NHSL1: variants seen among roughly 807,000 people sequenced by gnomAD.
The protein encoded by NHSL1 is NHS like 1.
Under a neutral mutation model 95.0 loss-of-function variants are expected in NHSL1, and 48 were observed. That is an observed-to-expected ratio of 0.51 (90% CI 0.40 to 0.64). The LOEUF is 0.64. NHSL1 is among the 30% of genes least tolerant of loss of function. The pLI is 0.00. For synonymous variants in NHSL1, 783 were observed against 833.9 expected (o/e 0.94, Z 1.05); for missense variants, 1,971 against 2,077.7 (o/e 0.95, Z 1.00).
chr6:138,635,224 G>A (rs1055404991), intron 1 of NHSL1, among the ~76,000 whole-genome samples: 1 of 152,002 alleles, frequency 6.6e-6, no homozygotes, highest in Non-Finnish European at 1.5e-5. Context: ...ACAAAATGTT[G>A]TATTTTTGGA....
At chr6:138,642,972 C>G (rs1036408844) in intron 1 of NHSL1, among the ~76,000 whole-genome samples, 1 of 152,166 alleles carries the variant, frequency 6.6e-6, no homozygotes, top group Non-Finnish European at 1.5e-5. Flanking sequence ...TCATCAAACA[C>G]AAGTGGTTAT....
In NHSL1 at chr6:138,440,074, G is replaced by A. The variant is rs376943429; in HGVS notation, c.664+1909C>T. On this transcript the variant is annotated intron_variant, in intron 5 of 7. Coordinates refer to ENST00000343505, the MANE Select transcript of NHSL1 (RefSeq NM_001144060.2). ...GACAATGCATATGGAATACTTATGT[G>A]TATGTGCATCTTTACTTGGGCCACA... 1.1e-4 allele frequency among the ~76,000 whole-genome samples: 17 copies of A among 152,152 alleles called. 1 individual carries two copies. In the East Asian group the frequency reaches 2.9e-3, roughly 26 times the overall value.
intron 1 of NHSL1, among the ~76,000 whole-genome samples, chr6:138,686,144 G>C (rs1785582019): frequency 6.6e-6 from 1 of 151,946 alleles, no homozygotes; most frequent in African/African-American, 2.4e-5. Context: ...TTGCATACTT[G>C]TAAGTGTTCT....
chr6:138,647,882 A>G (rs1785040126), intron 1 of NHSL1, among the ~76,000 whole-genome samples: 1 of 152,200 alleles, frequency 6.6e-6, no homozygotes, highest in Admixed American at 6.5e-5. Context: ...ACAAGGCGTG[A>G]GCCACTGCAC....
rs116548038 is a variant in NHSL1, at chr6:138,612,623, A to G, written c.96+79853T>C. ...ACCTCTGAGGAGGGGGTTGGTCAAG[A>G]AGAATTGTAATATTTGAATGTTTTT... On this transcript the variant is annotated intron_variant, in intron 1 of 3. Transcript: ENST00000491526. 1.0e-2 allele frequency among the ~76,000 whole-genome samples: 1,517 copies of G among 152,340 alleles called. 29 individuals are homozygous for G. The highest frequency in any genetic ancestry group is 0.034 in the African/African-American group (1,404 of 41,570).
intron 1 of NHSL1, among the ~76,000 whole-genome samples, chr6:138,670,364 T>G: frequency 6.9e-6 from 1 of 144,718 alleles, no homozygotes. Context: ...CAAACACCGT[T>G]GAAGGTAAAA....
intron 1 of NHSL1, among the ~76,000 whole-genome samples, chr6:138,540,140 GT>G (rs1464303230): frequency 6.6e-6 from 1 of 152,170 alleles, no homozygotes; most frequent in African/African-American, 2.4e-5. Context: ...TTTGGTAGCT[GT>G]AGATTACCCA....
At chr6:138,522,038 G>A (rs1172806917) in intron 1 of NHSL1, among the ~76,000 whole-genome samples, 1 of 152,046 alleles carries the variant, frequency 6.6e-6, no homozygotes, top group African/African-American at 2.4e-5. Context: ...TAGTAAGTAC[G>A]GCAAAGTCAG....
rs186014586 is a variant in NHSL1 at position 138,427,198 on chromosome 6, G to A, written c.4086-2382C>T. 2.7e-3 allele frequency among the ~76,000 whole-genome samples: 412 copies of A among 152,318 alleles called. 4 individuals are homozygous for A. Among genetic ancestry groups the A allele is most frequent in the African/African-American group, 9.2e-3 (383 of 41,572 alleles). On this transcript the variant is annotated intron_variant, in intron 7 of 7. Transcript: ENST00000343505. Reference sequence around the variant, plus strand: ...CACAACTAAACTTGAGTAAAACTATGACCTTTAATTGTAGACATAGAATTA... The same window carrying A: ...CACAACTAAACTTGAGTAAAACTATAACCTTTAATTGTAGACATAGAATTA...
intron 1 of NHSL1, among the ~76,000 whole-genome samples, chr6:138,647,225 C>T (rs6570250): frequency 2.0e-5 from 3 of 152,106 alleles, no homozygotes; most frequent in South Asian, 2.1e-4. Context: ...AATGGAGCAA[C>T]GTACAGCACA....
chr6:138,571,843 T>A, exon 1 of NHSL1: 1 of 1,551,870 alleles, frequency 6.4e-7, no homozygotes, highest in Non-Finnish European at 8.7e-7. Context: ...TTATCCAACT[T>A]ACAGCACGTG....
At chr6:138,438,734 G>A (rs1038482522) in intron 5 of NHSL1, among the ~76,000 whole-genome samples, 7 of 151,996 alleles carry the variant, frequency 4.6e-5, no homozygotes, top group African/African-American at 1.7e-4. Context: ...GTTTATTTAA[G>A]GATTAGGCTA....
At chr6:138,693,208 C>T (rs1253532521), upstream of NHSL1, among the ~76,000 whole-genome samples, 1 of 151,352 alleles carries the variant, frequency 6.6e-6, no homozygotes, top group Non-Finnish European at 1.5e-5. The surrounding 1 kb of genome is among the most constrained non-coding windows in gnomAD (Gnocchi z 4.3). Flanking sequence ...GGAAGTGCCG[C>T]CGACACCGGG....
chr6:138,450,542 A>G (rs565511550), intron 3 of NHSL1, among the ~76,000 whole-genome samples: 1 of 152,356 alleles, frequency 6.6e-6, no homozygotes, highest in South Asian at 2.1e-4. Context: ...AATGGTGCTC[A>G]TCAGCCCCAC....
intron 1 of NHSL1, among the ~76,000 whole-genome samples, chr6:138,578,975 C>T (rs2114480570): frequency 6.6e-6 from 1 of 152,308 alleles, no homozygotes; most frequent in East Asian, 1.9e-4. Flanking sequence ...TTTCCATGGA[C>T]AGCAGGGTAG....
At chr6:138,681,017 T>C (rs1391105654) in intron 1 of NHSL1, among the ~76,000 whole-genome samples, 3 of 152,214 alleles carry the variant, frequency 2.0e-5, no homozygotes, top group African/African-American at 4.8e-5. Context: ...AGTTAACAAT[T>C]TATTCCAATG....
rs1304040774 is a variant in NHSL1, at chr6:138,499,248, G to C, written c.43C>G (p.Leu15Val). 1.3e-6 allele frequency: 2 copies of C among 1,549,142 alleles called. No homozygotes were observed. The highest frequency in any genetic ancestry group is 1.7e-6 in the Non-Finnish European group (2 of 1,145,050). Residue 15 changes from leucine (L) to valine (V), a missense_variant, in exon 1 of 8, where the codon CTT becomes GTT. Coordinates refer to ENST00000343505, the MANE Select transcript of NHSL1 (RefSeq NM_001144060.2). ...INAKIKSLIK[L>V]FKKKTVSNLD... Reference sequence around the variant, plus strand: ...AACTACTTACTTTTCTTCTTAAAAAGTTTAATTAAAGACTTAATCTTTGCA... The same window carrying C: ...AACTACTTACTTTTCTTCTTAAAAACTTTAATTAAAGACTTAATCTTTGCA...
chr6:138,684,770 A>C (rs1385196132), intron 1 of NHSL1, among the ~76,000 whole-genome samples: 6 of 152,208 alleles, frequency 3.9e-5, no homozygotes, highest in Non-Finnish European at 1.5e-5. Flanking sequence ...TGAAGTGCAC[A>C]CTGTGACAAG....
intron 1 of NHSL1, among the ~76,000 whole-genome samples, chr6:138,625,641 TAAAAAA>T (rs57534545): frequency 5.2e-4 from 72 of 138,798 alleles, no homozygotes; most frequent in Admixed American, 1.2e-3. Flanking sequence ...CTTTTTTAAT[TAAAAAA>T]AAAAAAAAAA....
Sources: allele counts gnomAD v4.1 joint callset (sites outside exome capture counted in the v4.1 genomes callset), GRCh38; gene constraint gnomAD v4.1.1; non-coding constraint Gnocchi (gnomAD v3.1); transcripts MANE v1.5; gene names NCBI Gene and HGNC (gene_info 2026-07-23, HGNC 2026-07-21).